BTG4: variants seen among roughly 807,000 people sequenced by gnomAD.
BTG4 encodes protein BTG4.
BTG4 carries 10 observed loss-of-function variants against 19.3 expected under a neutral mutation model. The observed-to-expected ratio is 0.52, with a 90% CI of 0.32 to 0.88. The LOEUF is 0.88. Among genes scored for constraint, BTG4 ranks in the 40% least tolerant of loss-of-function variants. The pLI is 0.04. For synonymous variants in BTG4, 91 were observed against 95.7 expected (o/e 0.95, Z 0.29); for missense variants, 238 against 281.9 (o/e 0.84, Z 1.11).
chr11:111,451,298 C>A, the BTG4 span: 1 of 398,908 alleles, frequency 2.5e-6, no homozygotes, highest in Non-Finnish European at 5.3e-6. Context: ...GCTTCCGGGC[C>A]CTGGCTGAGG....
Position 111,498,703 on chromosome 11 carries a change from T to C in BTG4, c.74A>G (p.Gln25Arg), listed in dbSNP as rs1412601554. ...CTTTTCTGCAAAGTCTTCTATTTGCTGTTTACTTAGTTTATCATGTTTTTT... is the reference window on the plus strand; with the variant it reads ...CTTTTCTGCAAAGTCTTCTATTTGCCGTTTACTTAGTTTATCATGTTTTTT... ...LVKKHDKLSKQQIEDFAEKLM... is the reference protein window; with the variant it reads ...LVKKHDKLSKRQIEDFAEKLM... The change falls in exon 2 of 5, where the codon CAG (glutamine) becomes CGG (arginine). Residue 25 changes from glutamine to arginine, a missense_variant. Coordinates refer to ENST00000692032, the MANE Select transcript of BTG4 (RefSeq NM_001367975.1). 2.5e-6 allele frequency: 4 copies of C among 1,613,502 alleles called. No homozygotes were observed. Among genetic ancestry groups the C allele is most frequent in the Non-Finnish European group, 3.4e-6 (4 of 1,179,772 alleles).
upstream of BTG4, chr11:111,513,569 G>A (rs948412640): frequency 2.1e-6 from 1 of 478,898 alleles, no homozygotes. Context: ...GTGGGGAAGA[G>A]GGGTGTTGGA....
chr11:111,494,440 C>G (rs559743809), downstream of BTG4, among the ~76,000 whole-genome samples: 1 of 152,318 alleles, frequency 6.6e-6, no homozygotes, highest in African/African-American at 2.4e-5. Context: ...TAGAATCTCC[C>G]TTCCTAATTT....
the BTG4 span, among the ~76,000 whole-genome samples, chr11:111,426,264 G>A: frequency 2.4e-4 from 37 of 151,986 alleles, no homozygotes; most frequent in African/African-American, 8.7e-4. Flanking sequence ...ACAGAGGAAG[G>A]GAAGGGAAAT....
At chr11:111,400,092 A>G in the BTG4 span, among the ~76,000 whole-genome samples, 324 of 152,278 alleles carry the variant, frequency 2.1e-3, no homozygotes, top group African/African-American at 7.6e-3. Flanking sequence ...AGGAATTTAC[A>G]GCAAAAGAAC....
intron 4 of BTG4, chr11:111,496,926 C>T (rs1056450813): frequency 6.2e-5 from 23 of 370,486 alleles, no homozygotes; most frequent in Non-Finnish European, 9.6e-5. Flanking sequence ...ATCTTTGATT[C>T]TGTAGGAATT....
At chr11:111,427,098 A>G in the BTG4 span, among the ~76,000 whole-genome samples, 1 of 152,140 alleles carries the variant, frequency 6.6e-6, no homozygotes, top group Non-Finnish European at 1.5e-5. Flanking sequence ...GCCTGCCTCC[A>G]TTTTCTATTG....
chr11:111,452,740 T>C, the BTG4 span, among the ~76,000 whole-genome samples: 2 of 152,174 alleles, frequency 1.3e-5, no homozygotes, highest in Non-Finnish European at 2.9e-5. Flanking sequence ...AACAAATACA[T>C]GTCAGCAAAT....
At chr11:111,422,504 C>T in the BTG4 span, among the ~76,000 whole-genome samples, 1 of 152,220 alleles carries the variant, frequency 6.6e-6, no homozygotes, top group Non-Finnish European at 1.5e-5. Flanking sequence ...AGGCCTTCAT[C>T]GCCCTAATGC....
chr11:111,395,325 A>G, the BTG4 span, among the ~76,000 whole-genome samples: 1 of 152,222 alleles, frequency 6.6e-6, no homozygotes, highest in Non-Finnish European at 1.5e-5. Context: ...CCCCTCAGGC[A>G]GCACTCACAC....
chr11:111,443,613 G>A, the BTG4 span, among the ~76,000 whole-genome samples: 11 of 152,044 alleles, frequency 7.2e-5, no homozygotes, highest in African/African-American at 2.4e-4. Flanking sequence ...GAGACAAAAG[G>A]GACTTTGGGA....
chr11:111,432,970 G>A, the BTG4 span, among the ~76,000 whole-genome samples: 2 of 151,958 alleles, frequency 1.3e-5, no homozygotes, highest in Admixed American at 1.3e-4. Context: ...GGTATTACAG[G>A]CATAAGCCAC....
upstream of BTG4, chr11:111,514,312 C>T: frequency 5.0e-6 from 1 of 199,110 alleles, no homozygotes; most frequent in South Asian, 9.3e-5. Context: ...CCAGTTCAGG[C>T]CTCTAGCTCC....
the BTG4 span, chr11:111,458,120 A>C: frequency 6.5e-6 from 1 of 152,736 alleles, no homozygotes; most frequent in Non-Finnish European, 1.5e-5. Context: ...TAAGGACATG[A>C]GACAGCCACT....
chr11:111,398,972 G>C, the BTG4 span: 1 of 152,320 alleles, frequency 6.6e-6, no homozygotes, highest in Non-Finnish European at 1.5e-5. Context: ...TAGCATAAAA[G>C]AGTTATTGAG....
chr11:111,392,702 T>A, the BTG4 span, among the ~76,000 whole-genome samples: 1 of 152,180 alleles, frequency 6.6e-6, no homozygotes. Flanking sequence ...GGCTCCTTCA[T>A]CCCTCACTGC....
chr11:111,444,441 C>A, the BTG4 span, among the ~76,000 whole-genome samples: 40,945 of 151,262 alleles, frequency 0.27, 6,253 homozygotes, highest in South Asian at 0.44. Flanking sequence ...GATGGTTACC[C>A]GATGCTGGGA....
chr11:111,401,067 A>AAAAAAAAC, the BTG4 span: 2 of 131,140 alleles, frequency 1.5e-5, no homozygotes, highest in African/African-American at 2.8e-5. Context: ...AAAAAAAAAA[A>AAAAAAAAC]AAAAAAAAAA....
chr11:111,439,347 C>A, the BTG4 span, among the ~76,000 whole-genome samples: 1 of 152,336 alleles, frequency 6.6e-6, no homozygotes, highest in South Asian at 2.1e-4. Flanking sequence ...CGGGCCAGAC[C>A]TGCACCTGCA....
Sources: gnomAD v4.1 joint callset for allele counts (sites outside exome capture counted in the v4.1 genomes callset) on GRCh38, gnomAD v4.1.1 for gene constraint, MANE v1.5 for transcripts, NCBI Gene and HGNC (gene_info 2026-07-23, HGNC 2026-07-21) for gene names.